ADAMTSL3: variants seen among roughly 807,000 people sequenced by gnomAD.
ADAMTSL3 encodes ADAMTS-like protein 3.
Under a neutral mutation model 201.7 loss-of-function variants are expected in ADAMTSL3, and 128 were observed. That is an observed-to-expected ratio of 0.63 (90% CI 0.55 to 0.73). ADAMTSL3 has a LOEUF of 0.73. ADAMTSL3 is among the 30% of genes least tolerant of loss of function. The pLI is 0.00. For missense variants in ADAMTSL3, 1,990 were observed against 2,119.6 expected (o/e 0.94, Z 1.20); for synonymous variants, 738 against 748.4 (o/e 0.99, Z 0.23).
At chr15:83,699,323 C>G (rs2061734225) in intron 2 of ADAMTSL3, among the ~76,000 whole-genome samples, 1 of 152,116 alleles carries the variant, frequency 6.6e-6, no homozygotes, top group Admixed American at 6.5e-5. Context: ...TGCCTCAGGG[C>G]TATCCATCCA....
intron 5 of ADAMTSL3, among the ~76,000 whole-genome samples, chr15:83,810,651 T>G (rs1416962330): frequency 6.6e-6 from 1 of 152,228 alleles, no homozygotes; most frequent in Admixed American, 6.5e-5. Context: ...TTTCCCAGCT[T>G]CTAGAGGCCA....
intron 19 of ADAMTSL3, among the ~76,000 whole-genome samples, chr15:83,950,832 T>C (rs2066743188): frequency 6.7e-6 from 1 of 149,260 alleles, no homozygotes; most frequent in Non-Finnish European, 1.5e-5. Context: ...ATGCTACTGA[T>C]ATTTGTATGT....
At chr15:83,693,086 A>AT (rs1008977460) in intron 2 of ADAMTSL3, among the ~76,000 whole-genome samples, 16 of 150,018 alleles carry the variant, frequency 1.1e-4, no homozygotes, top group Admixed American at 2.0e-4. Flanking sequence ...CTTCTTTTTT[A>AT]TTTTTTTTGC....
intron 2 of ADAMTSL3, among the ~76,000 whole-genome samples, chr15:83,690,495 C>T (rs554358301): frequency 1.3e-5 from 2 of 152,182 alleles, no homozygotes; most frequent in Non-Finnish European, 2.9e-5. Flanking sequence ...TTCCTCTGTC[C>T]TCTCCATTTT....
At position 83,917,743 on chromosome 15, in the gene ADAMTSL3, C is replaced by A. The variant is rs555696412; in HGVS notation, c.1987+4365C>A. 2.0e-3 allele frequency among the ~76,000 whole-genome samples: 308 copies of A among 152,106 alleles called. 16 individuals are homozygous for A. The South Asian group carries it at 0.062, about 30-fold the overall frequency. On this transcript the variant is annotated intron_variant, in intron 16 of 29. Coordinates refer to ENST00000286744, the MANE Select transcript of ADAMTSL3 (RefSeq NM_207517.3). ...TTTGAGACCTGACCCCTTTATGAACCCCAGCTCTGCAACTCTCTTTGTTTC... is the reference window on the plus strand; with the variant it reads ...TTTGAGACCTGACCCCTTTATGAACACCAGCTCTGCAACTCTCTTTGTTTC...
intron 17 of ADAMTSL3, among the ~76,000 whole-genome samples, chr15:83,929,699 CAGAGAGAG>C (rs1555461707): frequency 6.0e-5 from 9 of 150,208 alleles, no homozygotes; most frequent in East Asian, 2.0e-4. Context: ...CACACACACA[CAGAGAGAG>C]ACAGAGAGAG....
intron 3 of ADAMTSL3, among the ~76,000 whole-genome samples, chr15:83,757,865 G>A (rs1013261366): frequency 6.6e-6 from 1 of 152,070 alleles, no homozygotes; most frequent in African/African-American, 2.4e-5. Context: ...TATCTCTAGG[G>A]CAGGTACAAA....
chr15:83,695,830 C>T (rs564387343), intron 2 of ADAMTSL3, among the ~76,000 whole-genome samples: 3 of 152,074 alleles, frequency 2.0e-5, no homozygotes, highest in East Asian at 3.9e-4. Flanking sequence ...TCATAATGAC[C>T]GCATTCTACT....
intron 3 of ADAMTSL3, among the ~76,000 whole-genome samples, chr15:83,724,515 T>C (rs562522981): frequency 6.6e-6 from 1 of 152,252 alleles, no homozygotes; most frequent in South Asian, 2.1e-4. Context: ...AAATGGGGTA[T>C]CCGTCACCTC....
chr15:83,873,123 G>A (rs1489903374), intron 9 of ADAMTSL3, among the ~76,000 whole-genome samples: 1 of 144,384 alleles, frequency 6.9e-6, no homozygotes, highest in East Asian at 2.3e-4. Context: ...TGTCCAACAT[G>A]ATGAAACCTC....
chr15:83,832,727 G>A (rs186612876), intron 6 of ADAMTSL3, among the ~76,000 whole-genome samples: 5 of 152,170 alleles, frequency 3.3e-5, no homozygotes, highest in African/African-American at 9.6e-5. Flanking sequence ...ACTTGGCATA[G>A]ACTACACATA....
At chr15:84,019,010 A>C (rs1176412017) in intron 25 of ADAMTSL3, among the ~76,000 whole-genome samples, 1 of 151,796 alleles carries the variant, frequency 6.6e-6, no homozygotes, top group Non-Finnish European at 1.5e-5. Flanking sequence ...CTGATGAAGA[A>C]CTTATATCTA....
intron 19 of ADAMTSL3, among the ~76,000 whole-genome samples, chr15:83,952,805 C>CAA (rs59518430): frequency 3.6e-5 from 4 of 111,732 alleles, no homozygotes; most frequent in Non-Finnish European, 5.4e-5. Context: ...GATTCCACCT[C>CAA]AAAAAAAAAA....
intron 3 of ADAMTSL3, among the ~76,000 whole-genome samples, chr15:83,712,603 G>T (rs576875260): frequency 6.6e-6 from 1 of 152,260 alleles, no homozygotes; most frequent in South Asian, 2.1e-4. Context: ...TCCTTCCAAG[G>T]TCATGCCATG....
chr15:83,967,703 A>G (rs1211271982), intron 19 of ADAMTSL3, among the ~76,000 whole-genome samples: 1 of 152,226 alleles, frequency 6.6e-6, no homozygotes, highest in Non-Finnish European at 1.5e-5. Flanking sequence ...ATATGGAACC[A>G]AAAAAGAGCC....
chr15:83,971,706 G>C (rs755502232), intron 20 of ADAMTSL3, among the ~76,000 whole-genome samples: 1 of 151,230 alleles, frequency 6.6e-6, no homozygotes, highest in Non-Finnish European at 1.5e-5. Flanking sequence ...TAGGGAACAG[G>C]CATAGTGGAA....
intron 3 of ADAMTSL3, among the ~76,000 whole-genome samples, chr15:83,763,283 G>T (rs999361765): frequency 1.3e-5 from 2 of 152,166 alleles, no homozygotes; most frequent in African/African-American, 4.8e-5. Flanking sequence ...CCTCACAGTG[G>T]CTGGATGGGG....
chr15:83,869,779 T>A (rs893655916), intron 8 of ADAMTSL3, among the ~76,000 whole-genome samples: 1 of 152,174 alleles, frequency 6.6e-6, no homozygotes, highest in African/African-American at 2.4e-5. Context: ...TATGATATCA[T>A]TGAATCAAGT....
intron 15 of ADAMTSL3, among the ~76,000 whole-genome samples, chr15:83,910,408 T>C (rs1001280337): frequency 7.3e-5 from 11 of 150,284 alleles, no homozygotes; most frequent in Admixed American, 6.0e-4. Flanking sequence ...TAAAAAATAA[T>C]ACATAGAAGG....
Sources: allele counts gnomAD v4.1 joint callset (sites outside exome capture counted in the v4.1 genomes callset), GRCh38; gene constraint gnomAD v4.1.1; transcripts MANE v1.5; gene names NCBI Gene and HGNC (gene_info 2026-07-23, HGNC 2026-07-21).